ACOX3: variants seen among roughly 807,000 people sequenced by gnomAD.
ACOX3 encodes peroxisomal acyl-coenzyme A oxidase 3.
Under a neutral mutation model 81.5 loss-of-function variants are expected in ACOX3, and 73 were observed. That is an observed-to-expected ratio of 0.90 (90% CI 0.74 to 1.09). The LOEUF is 1.09. ACOX3 is among the 50% of genes least tolerant of loss of function. The pLI is 0.00. For missense variants in ACOX3, 947 were observed against 928.0 expected (o/e 1.02, Z -0.27); for synonymous variants, 387 against 375.1 (o/e 1.03, Z -0.37).
In ACOX3 at chr4:8,419,134, C is replaced by A. The variant is rs1722654977; in HGVS notation, c.-14-2599G>T. ...TGGGTGATACAGCAAGACCTTATCT[C>A]TTAAAGAACCAGATAAATAGGCCAG... On this transcript the variant is annotated intron_variant, in intron 1 of 17. Transcript: ENST00000356406. The surrounding 1 kb of genome is among the most constrained non-coding windows in gnomAD (Gnocchi z 4.2). 6.6e-6 allele frequency among the ~76,000 whole-genome samples: 1 copy of A among 152,040 alleles called. No homozygotes were observed. Among genetic ancestry groups the A allele is most frequent in the Non-Finnish European group, 1.5e-5 (1 of 67,998 alleles).
Position 8,381,574 on chromosome 4 carries a change from T to C in ACOX3, c.1571A>G (p.Tyr524Cys), listed in dbSNP as rs761225357. 1.9e-6 allele frequency: 3 copies of C among 1,613,936 alleles called. No homozygotes were observed. The highest frequency in any genetic ancestry group is 4.5e-5 in the East Asian group (2 of 44,882). Residue 524 changes from tyrosine to cysteine, a missense_variant, in exon 14 of 18, where the codon TAC becomes TGC. Physicochemically the swap from Tyr to Cys is radical, Grantham distance 194. Transcript: ENST00000356406. This position sits in a 1 kb window ranked among gnomAD's most constrained non-coding sequence, Gnocchi z 4.3. ...TTTTTGATAAGTCTCTCGGAGCAGG[T>C]AGCAAACCAGCCACTTGTATGCTGC... ...ALAAYKWLVCYLLRETYQKLN... is the reference protein window; with the variant it reads ...ALAAYKWLVCCLLRETYQKLN...
rs1178287300 is a variant in ACOX3 at position 8,370,497 on chromosome 4, G to A, written c.1983+411C>T. ...ACCATGGATGGTCAGAGGGGACAGA[G>A]GGGCCTGGGGATTCCAGGACAGGGA... On this transcript the variant is annotated intron_variant, in intron 17 of 17. Transcript: ENST00000356406. The surrounding 1 kb of genome is among the most constrained non-coding windows in gnomAD (Gnocchi z 6.3). Among the ~76,000 whole-genome samples, 4 of 151,622 alleles carry A rather than the reference G, an allele frequency of 2.6e-5. No homozygotes were observed. Among genetic ancestry groups the A allele is most frequent in the African/African-American group, 9.7e-5 (4 of 41,058 alleles).
chr4:8,369,445 G>T (rs944839570), intron 17 of ACOX3, among the ~76,000 whole-genome samples: 1 of 152,198 alleles, frequency 6.6e-6, no homozygotes, highest in Non-Finnish European at 1.5e-5. Context: ...GGGCTTCTCT[G>T]GCTCTCAGCT....
At chr4:8,408,920 G>A (rs1721369672) in intron 6 of ACOX3, among the ~76,000 whole-genome samples, 1 of 115,342 alleles carries the variant, frequency 8.7e-6, no homozygotes, top group Non-Finnish European at 1.7e-5. Context: ...GGGGGTGGGG[G>A]CGGTCTGAGG....
chr4:8,375,312 C>A (rs895951528), intron 14 of ACOX3, among the ~76,000 whole-genome samples, 160 bp from the exon 15 acceptor site: 1 of 152,218 alleles, frequency 6.6e-6, no homozygotes, highest in African/African-American at 2.4e-5. Flanking sequence ...CGGCGCAGCA[C>A]GAGACATGTT....
rs530446860 is a variant in ACOX3 at position 8,389,875 on chromosome 4, C to T, written c.1301-141G>A. The T allele has an allele frequency of 2.8e-5, 31 of 1,110,036 alleles. No homozygotes were observed. In the East Asian group the frequency reaches 4.6e-4, roughly 17 times the overall value. The allele number at this position is 1,110,036 out of a possible 1,614,324, so 68.8% of individuals were successfully genotyped here. A position where few individuals can be genotyped will look rare whatever the true frequency, so the allele number is the denominator to read the frequency against. ...ATGGCAGCACTTTGGGGGGCCGAGGCGGGTGGATCACTTGAAGCCAGGTGT... is the reference window on the plus strand; with the variant it reads ...ATGGCAGCACTTTGGGGGGCCGAGGTGGGTGGATCACTTGAAGCCAGGTGT... On this transcript the variant is annotated intron_variant, in intron 11 of 17. Coordinates refer to ENST00000356406, the MANE Select transcript of ACOX3 (RefSeq NM_003501.3). This position sits in a 1 kb window ranked among gnomAD's most constrained non-coding sequence, Gnocchi z 5.3.
At chr4:8,360,342 G>C in the ACOX3 span, among the ~76,000 whole-genome samples, 1 of 152,130 alleles carries the variant, frequency 6.6e-6, no homozygotes, top group Non-Finnish European at 1.5e-5. Context: ...AGTAATCTTT[G>C]GGAAATAAGG....
rs992534868 is a variant in ACOX3, at chr4:8,399,514, AC to A, written c.873+41del. The A allele has an allele frequency of 1.3e-6, 2 of 1,535,366 alleles. No individual in the cohort carries two copies. Among genetic ancestry groups the A allele is most frequent in the African/African-American group, 1.4e-5 (1 of 73,164 alleles). On this transcript the variant is annotated intron_variant, in intron 8 of 17. Transcript: ENST00000356406. The surrounding 1 kb of genome is among the most constrained non-coding windows in gnomAD (Gnocchi z 4.9). ...AGAGCCAGGCCCTGCAGAGGAAGGC[AC>A]CTGGGAAGCACGGCACACGAACGGC...
At chr4:8,361,822 T>C (rs1004807983), downstream of ACOX3, among the ~76,000 whole-genome samples, 2 of 152,254 alleles carry the variant, frequency 1.3e-5, no homozygotes, top group Non-Finnish European at 2.9e-5. Context: ...GCTTATTTGG[T>C]ACAAAAATTG....
Position 8,386,510 on chromosome 4 carries a change from G to A in ACOX3, c.1537+2663C>T, listed in dbSNP as rs1306971105. Among the ~76,000 whole-genome samples the A allele has an allele frequency of 2.0e-5, 3 of 150,324 alleles. No individual in the cohort carries two copies. The highest frequency in any genetic ancestry group is 2.1e-4 in the South Asian group (1 of 4,732). Reference sequence around the variant, plus strand: ...GAACCTGGGAGGTGGAGCTTGCAGTGAGCCGAGATCATACCACTGCACTCC... The same window carrying A: ...GAACCTGGGAGGTGGAGCTTGCAGTAAGCCGAGATCATACCACTGCACTCC... On this transcript the variant is annotated intron_variant, in intron 13 of 17. Transcript: ENST00000356406. The surrounding 1 kb of genome is among the most constrained non-coding windows in gnomAD (Gnocchi z 5.2).
chr4:8,386,765 G>A lies in ACOX3; in HGVS notation c.1537+2408C>T, dbSNP rs1044477009. ...CCTGATGACGATGCTGACGGTGCGG[G>A]CAGGGGAAGGCGCTGGGAAGCCGGA... On this transcript the variant is annotated intron_variant, in intron 13 of 17. Coordinates refer to ENST00000356406, the MANE Select transcript of ACOX3 (RefSeq NM_003501.3). This position sits in a 1 kb window ranked among gnomAD's most constrained non-coding sequence, Gnocchi z 5.2. Among the ~76,000 whole-genome samples the A allele has an allele frequency of 6.6e-6, 1 of 152,140 alleles. No homozygotes were observed. Among genetic ancestry groups the A allele is most frequent in the African/African-American group, 2.4e-5 (1 of 41,436 alleles).
At position 8,374,975 on chromosome 4, in the gene ACOX3, C is replaced by T. The variant is rs772119128; in HGVS notation, c.1828+3G>A. The T allele has an allele frequency of 3.3e-6, 5 of 1,507,652 alleles. No individual in the cohort carries two copies. The Admixed American group carries it at 8.9e-5, about 27-fold the overall frequency. 93.4% of individuals were successfully genotyped at this position (1,507,652 alleles called of 1,614,324 possible). A position where few individuals can be genotyped will look rare whatever the true frequency, so the allele number is the denominator to read the frequency against. On this transcript the variant is annotated splice_donor_region_variant and intron_variant, in intron 15 of 17. Transcript: ENST00000356406. ...ACAGCAAGCCCGCAGTCAGAAGCCT[C>T]ACCTCGGTAGAGCAGGGCCGCGTGG...
intron 1 of ACOX3, among the ~76,000 whole-genome samples, chr4:8,426,297 G>A (rs1723475070): frequency 6.6e-6 from 1 of 151,982 alleles, no homozygotes; most frequent in African/African-American, 2.4e-5. Context: ...TACTGGGAAG[G>A]ACCCTACCCA....
chr4:8,434,507 C>A (rs1301376908), intron 1 of ACOX3, among the ~76,000 whole-genome samples: 1 of 152,278 alleles, frequency 6.6e-6, no homozygotes, highest in Non-Finnish European at 1.5e-5. Context: ...CGATGCAGAT[C>A]CTGAGAGTGC....
chr4:8,397,317 G>A (rs538280658), intron 8 of ACOX3, among the ~76,000 whole-genome samples, 198 bp from the exon 9 acceptor site: 1 of 152,342 alleles, frequency 6.6e-6, no homozygotes, highest in East Asian at 1.9e-4. Flanking sequence ...ACCGTGGATG[G>A]AATGGGGGTG....
rs140168591 is a variant in ACOX3, at chr4:8,420,673, C to A, written c.-14-4138G>T. Among the ~76,000 whole-genome samples the A allele has an allele frequency of 3.8e-3, 573 of 152,316 alleles. 3 individuals are homozygous for A. The highest frequency in any genetic ancestry group is 6.3e-3 in the Admixed American group (96 of 15,298). ...GTTGAATGGGAGCTCTGTTTTCACTCTATTAAATCTTGCAACTGCACACTC... is the reference window on the plus strand; with the variant it reads ...GTTGAATGGGAGCTCTGTTTTCACTATATTAAATCTTGCAACTGCACACTC... On this transcript the variant is annotated intron_variant, in intron 1 of 17. Coordinates refer to ENST00000356406, the MANE Select transcript of ACOX3 (RefSeq NM_003501.3).
rs1560197818 is a variant in ACOX3 at position 8,414,277 on chromosome 4, G to T, written c.543+15C>A. 1 of 1,606,860 alleles carries T rather than the reference G, an allele frequency of 6.2e-7. No individual in the cohort carries two copies. The highest frequency in any genetic ancestry group is 2.2e-5 in the East Asian group (1 of 44,860). ...ATGCTCCAAACTCAGGGACCCGGGG[G>T]AAGGTAATACCTACCTCAGTGGCAG... is the stretch of plus-strand genomic sequence containing the variant. On this transcript the variant is annotated intron_variant, in intron 5 of 17. Transcript: ENST00000356406. The surrounding 1 kb of genome is among the most constrained non-coding windows in gnomAD (Gnocchi z 6.1).
At chr4:8,392,069 C>T (rs539684248) in intron 11 of ACOX3, among the ~76,000 whole-genome samples, 3 of 152,288 alleles carry the variant, frequency 2.0e-5, no homozygotes, top group Admixed American at 2.0e-4. Flanking sequence ...TGCAATGGAC[C>T]AGAGAGTAAA....
chr4:8,401,249 G>A (rs1365700064), intron 7 of ACOX3, among the ~76,000 whole-genome samples: 1 of 152,130 alleles, frequency 6.6e-6, no homozygotes, highest in East Asian at 1.9e-4. Context: ...GTTCCTAACA[G>A]GCCACAGACT....
Sources: gnomAD v4.1 joint callset for allele counts (sites outside exome capture counted in the v4.1 genomes callset) on GRCh38, gnomAD v4.1.1 for gene constraint, Gnocchi (gnomAD v3.1) non-coding constraint, MANE v1.5 for transcripts, NCBI Gene and HGNC (gene_info 2026-07-23, HGNC 2026-07-21) for gene names.